KCNQ4: variants seen among roughly 807,000 people sequenced by gnomAD.
KCNQ4 encodes the protein potassium voltage-gated channel subfamily Q member 4.
In KCNQ4, 31 loss-of-function variants were observed where a neutral mutation model predicts 72.6. That is an observed-to-expected ratio of 0.43 (90% CI 0.32 to 0.58). The LOEUF is 0.58. Among genes scored for constraint, KCNQ4 ranks in the 20% least tolerant of loss-of-function variants. The pLI, the probability that KCNQ4 is intolerant of heterozygous loss-of-function variation, is 0.08. For synonymous variants in KCNQ4, 405 were observed against 403.7 expected, an observed-to-expected ratio of 1.00 and a Z score of -0.04; for missense variants, 869 against 962.6, an observed-to-expected ratio of 0.90 and a Z score of 1.29.
chr1:40,810,728 T>C (rs573819563), intron 1 of KCNQ4, among the ~76,000 whole-genome samples: 1 of 152,254 alleles, frequency 6.6e-6, no homozygotes, highest in East Asian at 1.9e-4. Flanking sequence ...CCAGAGAATC[T>C]GGAGCTGAGC....
rs1313882963 is a variant in KCNQ4, at chr1:40,794,868, AG to A, written c.314+10465del. The stretch of plus-strand genomic sequence containing the variant: ...ACTGAGCTGTGGAGCCAGAAGAGGG[AG>A]GGGTCTGGTAGGGACAGAGGGATCA... On this transcript the variant is annotated intron_variant, in intron 1 of 13. Transcript: ENST00000347132. The surrounding 1 kb of genome is among the most constrained non-coding windows in gnomAD (Gnocchi z 4.2). Among the ~76,000 whole-genome samples the A allele has an allele frequency of 6.8e-6, 1 of 147,416 alleles. No homozygotes were observed. The highest frequency in any genetic ancestry group is 2.0e-4 in the East Asian group (1 of 4,988).
In KCNQ4 at chr1:40,833,019, C is replaced by T. The variant is rs1222267031; in HGVS notation, c.1519C>T (p.Pro507Ser). Residue 507 changes from proline to serine, a missense_variant, in exon 11 of 14, where the codon CCC becomes TCC. By Grantham distance (74) the Pro-to-Ser change is moderately conservative. Coordinates refer to ENST00000347132, the MANE Select transcript of KCNQ4 (RefSeq NM_004700.4). ...LKPRTSAEDA[P>S]SEEVAEEKSY... ...CCCCATACCTGCCTTTTCAGATGCC[C>T]CCTCAGAGGAAGTAGCAGAGGAGAA... 6.2e-7 allele frequency: 1 copy of T among 1,612,726 alleles called. No individual in the cohort carries two copies. The highest frequency in any genetic ancestry group is 1.1e-5 in the South Asian group (1 of 91,058).
Position 40,817,691 on chromosome 1 carries a change from A to G in KCNQ4, c.405+336A>G, listed in dbSNP as rs185399720. 1.6e-3 allele frequency among the ~76,000 whole-genome samples: 250 copies of G among 152,314 alleles called. 1 individual carries two copies. The highest frequency in any genetic ancestry group is 5.8e-3 in the African/African-American group (239 of 41,554). On this transcript the variant is annotated intron_variant, in intron 2 of 13. Transcript: ENST00000347132. The surrounding 1 kb of genome is among the most constrained non-coding windows in gnomAD (Gnocchi z 5.5). The stretch of plus-strand genomic sequence containing the variant: ...AAGTGTTGGGGGACCTCCTGCCTCT[A>G]TGCAAGGGCTTATGATGGGTCCAGA...
Position 40,784,511 on chromosome 1 carries a change from G to A in KCNQ4, c.314+104G>A. ...TCCGCCTTCTACCCCCCTGCCTCAGGGCCGACCCTCATCTCTCTCCCCCCA... is the reference window on the plus strand; with the variant it reads ...TCCGCCTTCTACCCCCCTGCCTCAGAGCCGACCCTCATCTCTCTCCCCCCA... On this transcript the variant is annotated intron_variant, in intron 1 of 13. Coordinates refer to ENST00000347132, the MANE Select transcript of KCNQ4 (RefSeq NM_004700.4). This position sits in a 1 kb window ranked among gnomAD's most constrained non-coding sequence, Gnocchi z 4.1. 1 of 1,113,468 alleles carries A rather than the reference G, an allele frequency of 9.0e-7. No homozygotes were observed. The highest frequency in any genetic ancestry group is 1.3e-5 in the South Asian group (1 of 79,608). The allele number at this position is 1,113,468 out of a possible 1,614,324, so 69.0% of individuals were successfully genotyped here. A position where few individuals can be genotyped will look rare whatever the true frequency, so the allele number is the denominator to read the frequency against.
Position 40,835,018 on chromosome 1 carries a change from G to C in KCNQ4, c.1665G>C (p.Pro555=), listed in dbSNP as rs55964611. The part of the protein sequence containing the change: ...AKRKFKETLR[P]YDVKDVIEQY... ...GGAAATTCAAGGAGACACTGCGACC[G>C]TACGACGTGAAGGACGTCATTGAGC... Residue 555 remains proline, a synonymous_variant, in exon 12 of 14, where the codon CCG becomes CCC. Coordinates refer to ENST00000347132, the MANE Select transcript of KCNQ4 (RefSeq NM_004700.4). 29 of 1,613,854 alleles carry C rather than the reference G, an allele frequency of 1.8e-5. No individual in the cohort carries two copies. Among genetic ancestry groups the C allele is most frequent in the Non-Finnish European group, 2.4e-5 (28 of 1,179,884 alleles).
intron 9 of KCNQ4, among the ~76,000 whole-genome samples, chr1:40,828,363 G>A (rs879804095): frequency 2.0e-5 from 3 of 152,108 alleles, no homozygotes; most frequent in Non-Finnish European, 4.4e-5. Context: ...TGTGGATTGC[G>A]ACTATCACAT....
intron 11 of KCNQ4, among the ~76,000 whole-genome samples, chr1:40,834,099 A>G (rs1570852024): frequency 6.9e-6 from 1 of 143,934 alleles, no homozygotes; most frequent in African/African-American, 2.6e-5. Context: ...CTTTTCACCC[A>G]TCCATTCTCT....
At chr1:40,795,013 A>G (rs1358970737) in intron 1 of KCNQ4, among the ~76,000 whole-genome samples, 3 of 151,894 alleles carry the variant, frequency 2.0e-5, no homozygotes, top group Non-Finnish European at 4.4e-5. Flanking sequence ...TCAAGGGCTC[A>G]CCCCTCAGTT....
chr1:40,827,468 GC>G (rs1410458284), intron 9 of KCNQ4, among the ~76,000 whole-genome samples: 1 of 152,104 alleles, frequency 6.6e-6, no homozygotes, highest in Non-Finnish European at 1.5e-5. Flanking sequence ...GCCCAGTTTG[GC>G]CCCCCTGAGA....
rs773724755 is a variant in KCNQ4, at chr1:40,822,298, T to C, written c.1042-16T>C. On this transcript the variant is annotated splice_polypyrimidine_tract_variant and intron_variant, in intron 7 of 13. Transcript: ENST00000347132. ...CCTCACTGATGCCCCATCCCCCACGTCCCCCATACCACCAGGCTGCCTGGC... is the reference window on the plus strand; with the variant it reads ...CCTCACTGATGCCCCATCCCCCACGCCCCCCATACCACCAGGCTGCCTGGC... 2 of 1,611,098 alleles carry C rather than the reference T, an allele frequency of 1.2e-6. No individual in the cohort carries two copies. Among genetic ancestry groups the C allele is most frequent in the Admixed American group, 1.7e-5 (1 of 59,978 alleles).
At position 40,838,825 on chromosome 1, in the gene KCNQ4, G is replaced by C. The variant is rs1049743608; in HGVS notation, c.*302G>C. On this transcript the variant is annotated 3_prime_UTR_variant, in exon 14 of 14. Transcript: ENST00000347132. Reference sequence around the variant, plus strand: ...AAGGCCCTATGTGGCCCACCTGGCAGGGGCACAGCCCCGGGAGTGGGAGCG... The same window carrying C: ...AAGGCCCTATGTGGCCCACCTGGCACGGGCACAGCCCCGGGAGTGGGAGCG... 4.0e-6 allele frequency: 2 copies of C among 502,480 alleles called. No homozygotes were observed. Among genetic ancestry groups the C allele is most frequent in the Non-Finnish European group, 7.3e-6 (2 of 274,414 alleles). The allele number at this position is 502,480 out of a possible 1,614,324, so 31.1% of individuals were successfully genotyped here.
At chr1:40,795,708 G>A (rs545124920) in intron 1 of KCNQ4, among the ~76,000 whole-genome samples, 5 of 152,142 alleles carry the variant, frequency 3.3e-5, no homozygotes, top group Admixed American at 3.3e-4. Context: ...AATGACACAG[G>A]CCCTGTAAAA....
intron 4 of KCNQ4, 44 bp from the exon 5 acceptor site, chr1:40,819,299 CCAGG>C (rs1648204532): frequency 6.2e-7 from 1 of 1,611,788 alleles, no homozygotes; most frequent in Non-Finnish European, 8.5e-7. Context: ...CCCACATCTC[CCAGG>C]CAGGCACAGC....
chr1:40,825,709 C>T (rs1003708214), intron 9 of KCNQ4, among the ~76,000 whole-genome samples: 11 of 152,166 alleles, frequency 7.2e-5, no homozygotes, highest in Non-Finnish European at 1.0e-4. Flanking sequence ...AACATAGTTT[C>T]CAGGCGGAAA....
intron 5 of KCNQ4, among the ~76,000 whole-genome samples, 166 bp from the exon 6 acceptor site, chr1:40,819,709 C>G (rs1025308529): frequency 6.6e-6 from 1 of 152,108 alleles, no homozygotes; most frequent in Non-Finnish European, 1.5e-5. Flanking sequence ...TACCCCTTTC[C>G]CCTGACCAGC....
chr1:40,784,522 A>ATC lies in KCNQ4; in HGVS notation c.314+122_314+123dup. ...CCCCCCTGCCTCAGGGCCGACCCTCATCTCTCTCCCCCCAGGCCTAAGCCC... is the reference window on the plus strand; with the variant it reads ...CCCCCCTGCCTCAGGGCCGACCCTCATCTCTCTCTCCCCCCAGGCCTAAGCCC... On this transcript the variant is annotated intron_variant, in intron 1 of 13. Coordinates refer to ENST00000347132, the MANE Select transcript of KCNQ4 (RefSeq NM_004700.4). This position sits in a 1 kb window ranked among gnomAD's most constrained non-coding sequence, Gnocchi z 4.1. The ATC allele has an allele frequency of 1.0e-6, 1 of 970,274 alleles. No homozygotes were observed. The highest frequency in any genetic ancestry group is 1.6e-6 in the Non-Finnish European group (1 of 624,210). 60.1% of individuals were successfully genotyped at this position (970,274 alleles called of 1,614,324 possible).
rs1291389658 is a variant in KCNQ4 at position 40,788,888 on chromosome 1, A to G, written c.314+4481A>G. 1.3e-5 allele frequency among the ~76,000 whole-genome samples: 2 copies of G among 152,212 alleles called. No individual in the cohort carries two copies. The highest frequency in any genetic ancestry group is 2.9e-5 in the Non-Finnish European group (2 of 68,026). ...CACATGCACTCACTGCAACATCGACACACATGCACAAACACACACACAGCA... is the reference window on the plus strand; with the variant it reads ...CACATGCACTCACTGCAACATCGACGCACATGCACAAACACACACACAGCA... On this transcript the variant is annotated intron_variant, in intron 1 of 13. Coordinates refer to ENST00000347132, the MANE Select transcript of KCNQ4 (RefSeq NM_004700.4). This position sits in a 1 kb window ranked among gnomAD's most constrained non-coding sequence, Gnocchi z 4.5.
Position 40,784,500 on chromosome 1 carries a change from C to G in KCNQ4, c.314+93C>G, listed in dbSNP as rs961855827. ...CCCGCCCTGGCTCCGCCTTCTACCC[C>G]CCTGCCTCAGGGCCGACCCTCATCT... On this transcript the variant is annotated intron_variant, in intron 1 of 13. Coordinates refer to ENST00000347132, the MANE Select transcript of KCNQ4 (RefSeq NM_004700.4). This position sits in a 1 kb window ranked among gnomAD's most constrained non-coding sequence, Gnocchi z 4.1. The G allele has an allele frequency of 6.2e-6, 8 of 1,288,664 alleles. No homozygotes were observed. Among genetic ancestry groups the G allele is most frequent in the African/African-American group, 4.4e-5 (3 of 68,500 alleles). 79.8% of individuals were successfully genotyped at this position (1,288,664 alleles called of 1,614,324 possible). A position where few individuals can be genotyped will look rare whatever the true frequency, so the allele number is the denominator to read the frequency against.
intron 1 of KCNQ4, among the ~76,000 whole-genome samples, chr1:40,811,476 TACTGAATCAGAC>T: frequency 6.6e-6 from 1 of 152,340 alleles, no homozygotes; most frequent in Admixed American, 6.5e-5. Flanking sequence ...ACTTCAAACT[TACTGAATCAGAC>T]ACTGTAGGAA....
Sources: allele counts gnomAD v4.1 joint callset (sites outside exome capture counted in the v4.1 genomes callset), GRCh38; gene constraint gnomAD v4.1.1; non-coding constraint Gnocchi (gnomAD v3.1); transcripts MANE v1.5; gene names NCBI Gene and HGNC (gene_info 2026-07-23, HGNC 2026-07-21).